The following DDX21 variants were observed in gnomAD, a reference collection of about 807,000 sequenced individuals.
The protein encoded by DDX21 is DExD-box helicase 21, also known as nucleolar RNA helicase 2.
Under a neutral mutation model 90.0 loss-of-function variants are expected in DDX21, and 18 were observed. That is an observed-to-expected ratio of 0.20 (90% CI 0.14 to 0.30). The LOEUF is 0.30. Among genes scored for constraint, DDX21 ranks in the 10% least tolerant of loss-of-function variants. DDX21 has a pLI of 1.00. For synonymous variants in DDX21, 294 were observed against 318.0 expected (o/e 0.92, Z 0.80); for missense variants, 673 against 944.5 (o/e 0.71, Z 3.77).
Position 68,956,203 on chromosome 10 carries a change from G to T in DDX21, c.-23G>T, listed in dbSNP as rs750313939. On this transcript the variant is annotated 5_prime_UTR_variant, in exon 1 of 15. Transcript: ENST00000354185. ...CTCCACGCGGTTGAGAAGACCGGTC[G>T]GCCTGGGCAACCTGCGCTGAAGATG... 2.5e-6 allele frequency: 4 copies of T among 1,612,920 alleles called. No homozygotes were observed. Among genetic ancestry groups the T allele is most frequent in the Non-Finnish European group, 2.5e-6 (3 of 1,179,308 alleles).
rs780705116 is a variant in DDX21 at position 68,965,430 on chromosome 10, C to A, written c.840C>A (p.Phe280Leu). ...RELANQVSKD[F>L]SDITKKLSVA... ...TGGCAAATCAAGTAAGCAAAGACTT[C>A]AGTGACATCACAAAAAAGCTGTCAG... Residue 280 changes from phenylalanine (F) to leucine (L), a missense_variant, in exon 5 of 15, where the codon TTC (phenylalanine) becomes TTA (leucine). Transcript: ENST00000354185. 1 of 1,613,954 alleles carries A rather than the reference C, an allele frequency of 6.2e-7. No individual in the cohort carries two copies. Among genetic ancestry groups the A allele is most frequent in the Non-Finnish European group, 8.5e-7 (1 of 1,179,970 alleles).
intron 3 of DDX21, 126 bp from the exon 4 acceptor site, chr10:68,963,165 G>A (rs1842894481): frequency 1.0e-6 from 1 of 975,410 alleles, no homozygotes; most frequent in African/African-American, 1.7e-5. Flanking sequence ...CTTTGTAGAT[G>A]TTGACCAGAA....
intron 14 of DDX21, among the ~76,000 whole-genome samples, chr10:68,981,936 C>G (rs1297877922): frequency 1.3e-5 from 2 of 152,000 alleles, no homozygotes; most frequent in Non-Finnish European, 2.9e-5. Flanking sequence ...TGCAGTGGTG[C>G]AATCTCGGTT....
At chr10:68,981,967 GGGTTCAAGC>G (rs1451686070) in intron 14 of DDX21, among the ~76,000 whole-genome samples, 1 of 152,026 alleles carries the variant, frequency 6.6e-6, no homozygotes, top group African/African-American at 2.4e-5. Flanking sequence ...TCCGCCTCCC[GGGTTCAAGC>G]GATTCTCTTG....
chr10:68,966,401 T>G (rs1842938910), intron 5 of DDX21, among the ~76,000 whole-genome samples: 4 of 147,542 alleles, frequency 2.7e-5, no homozygotes, highest in African/African-American at 7.5e-5. Flanking sequence ...CTGATGCTAT[T>G]GTCCTCCAGT....
intron 11 of DDX21, among the ~76,000 whole-genome samples, chr10:68,976,245 G>C (rs547567012): frequency 6.6e-6 from 1 of 151,242 alleles, no homozygotes; most frequent in Non-Finnish European, 1.5e-5. Context: ...AAGAGGGAAG[G>C]AAGGAAGAAA....
chr10:68,960,343 G>T (rs1371342007), intron 2 of DDX21, 94 bp downstream of exon 2: 4 of 1,293,258 alleles, frequency 3.1e-6, no homozygotes, highest in South Asian at 1.7e-5. Context: ...AATAGTAGGA[G>T]AAAATGTGAT....
chr10:68,957,212 A>C (rs1309509403), intron 1 of DDX21, among the ~76,000 whole-genome samples: 1 of 152,180 alleles, frequency 6.6e-6, no homozygotes, highest in Non-Finnish European at 1.5e-5. Flanking sequence ...GTTATTACGA[A>C]AATCTGTTTT....
At chr10:68,970,476 A>G in intron 8 of DDX21, 126 bp downstream of exon 8, 1 of 870,000 alleles carries the variant, frequency 1.1e-6, no homozygotes, top group Non-Finnish European at 1.6e-6. Context: ...TAGAAATGAG[A>G]GGAAGCTACT....
rs763503511 is a variant in DDX21, at chr10:68,982,613, G to A, written c.2153G>A (p.Arg718Gln). ...ATEQPELEGP[R>Q]EGYGGFRGQR... ...GAGCAACCAGAACTGGAAGGACCAC[G>A]GGAAGGATATGGAGGCTTCAGGGGA... Residue 718 changes from arginine (R) to glutamine (Q), a missense_variant, in exon 15 of 15, where the codon CGG becomes CAG. This residue lies in a region of DDX21 where 225 missense variants were observed against 298.8 expected (regional missense o/e 0.75). Coordinates refer to ENST00000354185, the MANE Select transcript of DDX21 (RefSeq NM_004728.4). 5.6e-6 allele frequency: 9 copies of A among 1,614,022 alleles called. No homozygotes were observed. The highest frequency in any genetic ancestry group is 1.1e-5 in the South Asian group (1 of 91,082).
chr10:68,976,759 G>A (rs1172326905), intron 11 of DDX21, among the ~76,000 whole-genome samples: 3 of 152,102 alleles, frequency 2.0e-5, no homozygotes, highest in South Asian at 4.1e-4. Context: ...AGCCTCCAGC[G>A]TGCCAGCCCT....
In DDX21 at chr10:68,965,359, A is replaced by G. The variant is rs763405933; in HGVS notation, c.787-18A>G. 6 of 1,591,330 alleles carry G rather than the reference A, an allele frequency of 3.8e-6. No individual in the cohort carries two copies. The highest frequency in any genetic ancestry group is 3.4e-5 in the Admixed American group (2 of 59,470). Reference sequence around the variant, plus strand: ...AATACTACACAGTAATTTGAATTCAATTATTTTTCTTTATCAGGTACTGGT... The same window carrying G: ...AATACTACACAGTAATTTGAATTCAGTTATTTTTCTTTATCAGGTACTGGT... On this transcript the variant is annotated intron_variant, in intron 4 of 14. Coordinates refer to ENST00000354185, the MANE Select transcript of DDX21 (RefSeq NM_004728.4).
chr10:68,970,158 GC>G, intron 7 of DDX21, 42 bp from the exon 8 acceptor site: 1 of 1,565,704 alleles, frequency 6.4e-7, no homozygotes, highest in Non-Finnish European at 8.7e-7. Flanking sequence ...TTAGTTTCCA[GC>G]AAAGCTTTAC....
intron 4 of DDX21, among the ~76,000 whole-genome samples, chr10:68,963,886 G>A (rs1481211590): frequency 6.6e-6 from 1 of 151,996 alleles, no homozygotes; most frequent in Non-Finnish European, 1.5e-5. Context: ...GGATCACGAG[G>A]TCAGGAGATC....
At chr10:68,959,365 G>T (rs1469745328) in intron 1 of DDX21, among the ~76,000 whole-genome samples, 3 of 151,968 alleles carry the variant, frequency 2.0e-5, no homozygotes, top group African/African-American at 7.3e-5. Flanking sequence ...GTGGTGGTGG[G>T]CGCCTGTAGT....
chr10:68,977,670 C>A lies in DDX21; in HGVS notation c.1884C>A (p.Ser628=), dbSNP rs778410841. ...GTGCCACGTCCGTAGACCAGCGCTCCTTGATCAACTCAAATGTGGTAAGGT... is the reference window on the plus strand; with the variant it reads ...GTGCCACGTCCGTAGACCAGCGCTCATTGATCAACTCAAATGTGGTAAGGT... ...ISGATSVDQR[S]LINSNVGFVT... Residue 628 remains serine (S), a synonymous_variant, in exon 12 of 15, where the codon TCC becomes TCA. Transcript: ENST00000354185. The A allele has an allele frequency of 3.7e-6, 6 of 1,612,146 alleles. No homozygotes were observed. Among genetic ancestry groups the A allele is most frequent in the Non-Finnish European group, 3.4e-6 (4 of 1,178,762 alleles).
At position 68,960,108 on chromosome 10, in the gene DDX21, CAAG is replaced by C; in HGVS notation, c.395_397del (p.Lys132del). ...AGGAAGAAATAGATGCTCCTAAGCC[CAAG>C]AAGATGAAGAAAGAAAAGGAAATGA... On this transcript the variant is annotated inframe_deletion, in exon 2 of 15. Transcript: ENST00000354185. 6.2e-7 allele frequency: 1 copy of C among 1,613,852 alleles called. No homozygotes were observed. The highest frequency in any genetic ancestry group is 1.1e-5 in the South Asian group (1 of 91,058).
chr10:68,978,833 T>G lies in DDX21; in HGVS notation c.1903-9T>G. The G allele has an allele frequency of 6.2e-7, 1 of 1,606,132 alleles. No homozygotes were observed. On this transcript the variant is annotated splice_polypyrimidine_tract_variant and intron_variant, in intron 12 of 14. Coordinates refer to ENST00000354185, the MANE Select transcript of DDX21 (RefSeq NM_004728.4). Reference sequence around the variant, plus strand: ...ACTTTAATTTTATTCTCCTTTCTTGTGTTGTAAGGGTTTTGTGACCATGAT... The same window carrying G: ...ACTTTAATTTTATTCTCCTTTCTTGGGTTGTAAGGGTTTTGTGACCATGAT...
At chr10:68,960,285 C>T in intron 2 of DDX21, 36 bp downstream of exon 2, 1 of 1,547,190 alleles carries the variant, frequency 6.5e-7, no homozygotes, top group Non-Finnish European at 8.7e-7. Context: ...AGATATCTTT[C>T]ATTGTTGTTT....
Sources: allele counts gnomAD v4.1 joint callset (sites outside exome capture counted in the v4.1 genomes callset), GRCh38; gene constraint gnomAD v4.1.1; regional missense constraint gnomAD v4.1.1; transcripts MANE v1.5; gene names NCBI Gene and HGNC (gene_info 2026-07-23, HGNC 2026-07-21).